Variants in STAT4 observed in about 807,000 individuals in gnomAD.
STAT4 encodes the protein signal transducer and activator of transcription 4.
A neutral mutation model predicts 110.5 loss-of-function variants in STAT4; 42 were observed. The ratio of observed to expected loss-of-function variants is 0.38; its 90% confidence interval spans 0.30 to 0.49. STAT4 has a LOEUF of 0.49. STAT4 is among the 20% of genes least tolerant of loss of function. The pLI is 0.95. For synonymous variants in STAT4, 284 were observed against 302.2 expected (o/e 0.94, Z 0.63); for missense variants, 632 against 887.9 (o/e 0.71, Z 3.66).
At position 191,146,847 on chromosome 2, in the gene STAT4, T is replaced by C; in HGVS notation, c.129-90A>G. ...TACTAACTTTAAAACAATAAACCTATTACATGGTGATAAGCATTTAAAAGT... is the reference window on the plus strand; with the variant it reads ...TACTAACTTTAAAACAATAAACCTACTACATGGTGATAAGCATTTAAAAGT... On this transcript the variant is annotated intron_variant, in intron 2 of 23. Coordinates refer to ENST00000392320, the MANE Select transcript of STAT4 (RefSeq NM_003151.4). The surrounding 1 kb of genome is among the most constrained non-coding windows in gnomAD (Gnocchi z 4.5). The C allele has an allele frequency of 8.0e-7, 1 of 1,251,780 alleles. No homozygotes were observed. The highest frequency in any genetic ancestry group is 1.1e-6 in the Non-Finnish European group (1 of 951,104). The allele number at this position is 1,251,780 out of a possible 1,614,324, so 77.5% of individuals were successfully genotyped here. A position where few individuals can be genotyped will look rare whatever the true frequency, so the allele number is the denominator to read the frequency against.
chr2:191,096,663 A>G (rs1697993282), intron 3 of STAT4, among the ~76,000 whole-genome samples: 1 of 152,218 alleles, frequency 6.6e-6, no homozygotes, highest in Non-Finnish European at 1.5e-5. Flanking sequence ...AGCCAATATC[A>G]TACTAAACGG....
intron 14 of STAT4, among the ~76,000 whole-genome samples, chr2:191,044,843 A>T (rs1011325062): frequency 6.6e-6 from 1 of 152,300 alleles, no homozygotes; most frequent in South Asian, 2.1e-4. Context: ...TTGGGGCTTA[A>T]TTAGTGACAA....
rs1018609822 is a variant in STAT4 at position 191,049,970 on chromosome 2, C to T, written c.1251+4520G>A. On this transcript the variant is annotated intron_variant, in intron 14 of 23. Transcript: ENST00000392320. ...TGGGCTAGCTGGGGTGTGAGTAGCG[C>T]GTCTGTGTTTGAGAACACTGAACCT... Among the ~76,000 whole-genome samples the T allele has an allele frequency of 3.9e-5, 6 of 152,172 alleles. No homozygotes were observed. The East Asian group carries it at 9.6e-4, about 24-fold the overall frequency.
chr2:191,133,581 C>G (rs1188453155), intron 3 of STAT4, among the ~76,000 whole-genome samples: 1 of 151,558 alleles, frequency 6.6e-6, no homozygotes, highest in African/African-American at 2.4e-5. Flanking sequence ...TGTTTATTTC[C>G]AGGCCATAGA....
chr2:191,029,834 A>G lies in STAT4; in HGVS notation c.*6T>C, dbSNP rs748882692. 5 of 1,602,412 alleles carry G rather than the reference A, an allele frequency of 3.1e-6. No individual in the cohort carries two copies. In the African/African-American group the frequency reaches 6.7e-5, roughly 22 times the overall value. On this transcript the variant is annotated 3_prime_UTR_variant, in exon 24 of 24. Coordinates refer to ENST00000392320, the MANE Select transcript of STAT4 (RefSeq NM_003151.4). The surrounding 1 kb of genome is among the most constrained non-coding windows in gnomAD (Gnocchi z 4.5). ...TTCCTTTCTTGGTGCGTCAGAGTTT[A>G]TCCTGTCATTCAGCAGAATAAGGAG...
intron 17 of STAT4, 85 bp downstream of exon 17, chr2:191,036,079 T>C: frequency 6.9e-7 from 1 of 1,439,050 alleles, no homozygotes; most frequent in Non-Finnish European, 9.4e-7. Context: ...ATCTTTATTA[T>C]TAGTAGTAGT....
Position 191,059,145 on chromosome 2 carries a change from C to T in STAT4, c.1035-376G>A, listed in dbSNP as rs537478930. ...TTCTTATATGGCTTCATTTTATCCT[C>T]ATATTACAAAAAAGCACTTTGTGAG... On this transcript the variant is annotated intron_variant, in intron 10 of 23. Transcript: ENST00000392320. This position sits in a 1 kb window ranked among gnomAD's most constrained non-coding sequence, Gnocchi z 4.7. Among the ~76,000 whole-genome samples the T allele has an allele frequency of 6.6e-6, 1 of 152,086 alleles. No homozygotes were observed. The highest frequency in any genetic ancestry group is 2.4e-5 in the African/African-American group (1 of 41,496).
chr2:191,089,829 A>G (rs1574144761), intron 3 of STAT4, among the ~76,000 whole-genome samples: 2 of 152,220 alleles, frequency 1.3e-5, no homozygotes. Context: ...TGTGATTCCA[A>G]CTATATGACA....
chr2:191,045,970 C>T (rs760544281), intron 14 of STAT4, among the ~76,000 whole-genome samples: 26 of 152,174 alleles, frequency 1.7e-4, no homozygotes, highest in Non-Finnish European at 2.5e-4. Context: ...GCGCTTGAGA[C>T]GGACTAGTTG....
chr2:191,068,444 A>G (rs991363159), intron 6 of STAT4: 1 of 152,146 alleles, frequency 6.6e-6, no homozygotes, highest in African/African-American at 2.4e-5. Context: ...TTTGAATAAT[A>G]TTTCCTGGAA....
chr2:191,034,721 A>G, intron 17 of STAT4, 124 bp from the exon 18 acceptor site: 1 of 724,194 alleles, frequency 1.4e-6, no homozygotes, highest in East Asian at 2.7e-5. Flanking sequence ...TGGGTTTGCA[A>G]TGTACTGAGT....
chr2:191,065,003 G>A (rs1696949438), intron 7 of STAT4, 45 bp from the exon 8 acceptor site: 2 of 1,467,526 alleles, frequency 1.4e-6, no homozygotes, highest in African/African-American at 2.9e-5. Context: ...TAAGAAATAA[G>A]TCACTTAGAA....
At chr2:191,133,034 G>A (rs1699086338) in intron 3 of STAT4, among the ~76,000 whole-genome samples, 1 of 151,458 alleles carries the variant, frequency 6.6e-6, no homozygotes, top group South Asian at 2.1e-4. Flanking sequence ...GATTACAGGC[G>A]TGGGCCACTG....
At position 191,056,876 on chromosome 2, in the gene STAT4, G is replaced by T. The variant is rs548083818; in HGVS notation, c.1206+1142C>A. 2.0e-5 allele frequency among the ~76,000 whole-genome samples: 3 copies of T among 148,624 alleles called. No individual in the cohort carries two copies. The East Asian group carries it at 5.9e-4, about 29-fold the overall frequency. ...CAGCTCACTGCAAACTCCGCCTCCC[G>T]GGTTCAAGCGATTCTCCTCCCTCAG... On this transcript the variant is annotated intron_variant, in intron 13 of 23. Transcript: ENST00000392320.
chr2:191,148,135 A>C lies in STAT4; in HGVS notation c.69T>G (p.Asp23Glu). 1 of 1,614,002 alleles carries C rather than the reference A, an allele frequency of 6.2e-7. No individual in the cohort carries two copies. The highest frequency in any genetic ancestry group is 8.5e-7 in the Non-Finnish European group (1 of 1,179,890). ...GCCGAATTTCCATGGGAAAGTTGTC[A>C]TCATAGAATTGATCCACCTGCTCCA... Reference protein sequence around the residue: ...KFLEQVDQFYDDNFPMEIRHL... With the variant: ...KFLEQVDQFYEDNFPMEIRHL... The change falls in exon 2 of 24, where the codon GAT becomes GAG. Residue 23 changes from aspartate (D) to glutamate (E), a missense_variant. This residue lies in a region of STAT4 where 488 missense variants were observed against 632.8 expected (regional missense o/e 0.77). Transcript: ENST00000392320.
At chr2:191,093,836 A>T (rs1427519693) in intron 3 of STAT4, among the ~76,000 whole-genome samples, 1 of 152,144 alleles carries the variant, frequency 6.6e-6, no homozygotes, top group African/African-American at 2.4e-5. Context: ...GAAGCTAAAA[A>T]CCTTGAAAAA....
intron 3 of STAT4, among the ~76,000 whole-genome samples, chr2:191,141,360 A>C (rs1699316449): frequency 6.6e-6 from 1 of 150,664 alleles, no homozygotes; most frequent in Non-Finnish European, 1.5e-5. Context: ...TACCCCCGTT[A>C]AAATGGTTAT....
chr2:191,031,544 G>T lies in STAT4; in HGVS notation c.2045-28C>A. On this transcript the variant is annotated intron_variant, in intron 21 of 23. Coordinates refer to ENST00000392320, the MANE Select transcript of STAT4 (RefSeq NM_003151.4). The surrounding 1 kb of genome is among the most constrained non-coding windows in gnomAD (Gnocchi z 4.8). Reference sequence around the variant, plus strand: ...GGAAAACAAAAAGGCACAATGTTGGGGAAAAAAATGTCAATATTATCAATA... The same window carrying T: ...GGAAAACAAAAAGGCACAATGTTGGTGAAAAAAATGTCAATATTATCAATA... 6.3e-7 allele frequency: 1 copy of T among 1,587,714 alleles called. No homozygotes were observed. Among genetic ancestry groups the T allele is most frequent in the Non-Finnish European group, 8.6e-7 (1 of 1,163,154 alleles).
chr2:191,030,936 A>T lies in STAT4; in HGVS notation c.2220+36T>A, dbSNP rs1202546090. On this transcript the variant is annotated intron_variant, in intron 23 of 23. Transcript: ENST00000392320. This position sits in a 1 kb window ranked among gnomAD's most constrained non-coding sequence, Gnocchi z 4.4. ...ACACCACCTTTGCATCGTTGGAAACACCTTTGACCAGCAATGGAAAATAAA... is the reference window on the plus strand; with the variant it reads ...ACACCACCTTTGCATCGTTGGAAACTCCTTTGACCAGCAATGGAAAATAAA... The T allele has an allele frequency of 6.3e-7, 1 of 1,590,256 alleles. No homozygotes were observed. Among genetic ancestry groups the T allele is most frequent in the Admixed American group, 1.7e-5 (1 of 59,868 alleles).
Sources: allele counts gnomAD v4.1 joint callset (sites outside exome capture counted in the v4.1 genomes callset), GRCh38; gene constraint gnomAD v4.1.1; regional missense constraint gnomAD v4.1.1; non-coding constraint Gnocchi (gnomAD v3.1); transcripts MANE v1.5; gene names NCBI Gene and HGNC (gene_info 2026-07-23, HGNC 2026-07-21).